Variants in TNS1 observed in about 807,000 individuals in gnomAD.
The protein encoded by TNS1 is tensin-1.
In TNS1, 62 loss-of-function variants were observed where a neutral mutation model predicts 168.6. The ratio of observed to expected loss-of-function variants is 0.37; its 90% confidence interval spans 0.30 to 0.45. The LOEUF is 0.45. Among genes scored for constraint, TNS1 ranks in the 20% least tolerant of loss-of-function variants. The probability of loss-of-function intolerance (pLI) is 1.00; values close to 1 mark genes in which losing one functional copy is unlikely to be tolerated. For missense variants in TNS1, 2,240 were observed against 2,339.4 expected (o/e 0.96, Z 0.88); for synonymous variants, 934 against 933.2 (o/e 1.00, Z -0.02).
At chr2:218,020,189 G>A (rs1364951240) in intron 1 of TNS1, among the ~76,000 whole-genome samples, 6 of 152,162 alleles carry the variant, frequency 3.9e-5, no homozygotes, top group Non-Finnish European at 7.3e-5. Context: ...CATTGTGCAG[G>A]ACCCAGCCAT....
chr2:217,930,080 T>A (rs572424379), intron 3 of TNS1, among the ~76,000 whole-genome samples: 3 of 152,270 alleles, frequency 2.0e-5, no homozygotes, highest in African/African-American at 7.2e-5. Context: ...CCCTCTCCAC[T>A]CCCATTTCTC....
At chr2:217,932,141 G>A (rs1956357146) in intron 3 of TNS1, among the ~76,000 whole-genome samples, 1 of 152,152 alleles carries the variant, frequency 6.6e-6, no homozygotes, top group African/African-American at 2.4e-5. Context: ...CTGGTACCTG[G>A]GAGCAGATTC....
intron 3 of TNS1, among the ~76,000 whole-genome samples, chr2:217,940,339 T>C (rs1471555554): frequency 6.6e-6 from 1 of 152,172 alleles, no homozygotes; most frequent in Non-Finnish European, 1.5e-5. Context: ...CCTCCAAACA[T>C]ATCGCTCAAC....
Position 217,995,917 on chromosome 2 carries a change from C to T in TNS1, c.34-4861G>A, listed in dbSNP as rs779502451. 7.9e-5 allele frequency among the ~76,000 whole-genome samples: 12 copies of T among 152,216 alleles called. No individual in the cohort carries two copies. Among genetic ancestry groups the T allele is most frequent in the Non-Finnish European group, 1.5e-4 (10 of 68,028 alleles). ...ACCCAGCATCAGAGGGCTTTCGTGG[C>T]CCTCGGGGCTTCCTCTCCCTTCCCT... is the stretch of plus-strand genomic sequence containing the variant. On this transcript the variant is annotated intron_variant, in intron 1 of 32. Coordinates refer to ENST00000682258, the MANE Select transcript of TNS1 (RefSeq NM_001387777.1). The surrounding 1 kb of genome is among the most constrained non-coding windows in gnomAD (Gnocchi z 4.1).
At chr2:217,942,761 C>A (rs1241397347) in intron 3 of TNS1, among the ~76,000 whole-genome samples, 1 of 151,978 alleles carries the variant, frequency 6.6e-6, no homozygotes, top group African/African-American at 2.4e-5. Flanking sequence ...CCTATTCTCA[C>A]CCCCACAACC....
chr2:217,915,147 C>T (rs990904975), intron 4 of TNS1, among the ~76,000 whole-genome samples: 2 of 152,166 alleles, frequency 1.3e-5, no homozygotes, highest in African/African-American at 2.4e-5. Context: ...TGAAATGCAT[C>T]GGGTCGGAGT....
At chr2:218,024,336 C>A (rs1179086665) in intron 1 of TNS1, among the ~76,000 whole-genome samples, 1 of 142,878 alleles carries the variant, frequency 7.0e-6, no homozygotes, top group African/African-American at 2.6e-5. Context: ...CTACCTCCAA[C>A]ACACTCATGT....
intron 3 of TNS1, among the ~76,000 whole-genome samples, chr2:217,934,699 T>C (rs1956510445): frequency 6.6e-6 from 1 of 152,160 alleles, no homozygotes; most frequent in Non-Finnish European, 1.5e-5. Context: ...TCTGCTCTGT[T>C]CCAAGAAATC....
chr2:217,829,740 C>G, intron 22 of TNS1: 1 of 1,367,116 alleles, frequency 7.3e-7, no homozygotes, highest in Non-Finnish European at 1.0e-6. Flanking sequence ...TCGCCTGAGT[C>G]CCAGTGAGGA....
At chr2:217,879,270 A>G in intron 18 of TNS1, 1 of 334,894 alleles carries the variant, frequency 3.0e-6, no homozygotes, top group Non-Finnish European at 5.9e-6. Flanking sequence ...TGCACCAAGA[A>G]GAGATGGAGA....
chr2:217,842,291 A>C, intron 19 of TNS1: 1 of 547,008 alleles, frequency 1.8e-6, no homozygotes. Context: ...TTATCCAACC[A>C]CTGCAGATGT....
chr2:217,959,096 C>A (rs1575138573), intron 3 of TNS1, among the ~76,000 whole-genome samples: 1 of 152,108 alleles, frequency 6.6e-6, no homozygotes, highest in African/African-American at 2.4e-5. Context: ...GTTGGGACAT[C>A]GGCAGCCCAG....
chr2:217,962,386 T>C (rs1001713566), intron 3 of TNS1, among the ~76,000 whole-genome samples: 2 of 152,134 alleles, frequency 1.3e-5, no homozygotes, highest in Non-Finnish European at 2.9e-5. Flanking sequence ...GAGGTTGCAG[T>C]GAGCCGAGAT....
At chr2:217,970,866 G>T (rs567465137) in intron 3 of TNS1, among the ~76,000 whole-genome samples, 2 of 151,852 alleles carry the variant, frequency 1.3e-5, no homozygotes, top group Non-Finnish European at 2.9e-5. Context: ...TTAAATGGGC[G>T]TATTGTGTGG....
At chr2:217,921,567 G>A (rs1955703547) in intron 3 of TNS1, among the ~76,000 whole-genome samples, 1 of 152,204 alleles carries the variant, frequency 6.6e-6, no homozygotes, top group Admixed American at 6.5e-5. Flanking sequence ...TCCAAGCTCT[G>A]GAAGGGGCAG....
At chr2:217,962,191 C>A (rs1157602668) in intron 3 of TNS1, among the ~76,000 whole-genome samples, 2 of 152,224 alleles carry the variant, frequency 1.3e-5, no homozygotes, top group Admixed American at 6.5e-5. Context: ...CGCCTATAAT[C>A]CCAGCGCTTT....
At chr2:217,912,822 GGCA>G (rs906063673) in intron 4 of TNS1, among the ~76,000 whole-genome samples, 32 of 152,278 alleles carry the variant, frequency 2.1e-4, no homozygotes, top group African/African-American at 7.0e-4. Flanking sequence ...ACAAGGCAGC[GGCA>G]GCGGCAGAAG....
chr2:217,917,331 C>T (rs890051), intron 4 of TNS1, among the ~76,000 whole-genome samples: 65,634 of 152,128 alleles, frequency 0.43, 15,282 homozygotes, highest in African/African-American at 0.61. Context: ...CTACCGTGTG[C>T]AAGGCAGCGG....
chr2:217,966,300 TGTGTGTGTGCGC>T (rs1248202115), intron 3 of TNS1, among the ~76,000 whole-genome samples: 43 of 142,258 alleles, frequency 3.0e-4, no homozygotes, highest in African/African-American at 1.2e-3. Flanking sequence ...TGTGTGTGTG[TGTGTGTGTGCGC>T]GCGCGCGCGT....
Sources: gnomAD v4.1 joint callset for allele counts (sites outside exome capture counted in the v4.1 genomes callset) on GRCh38, gnomAD v4.1.1 for gene constraint, Gnocchi (gnomAD v3.1) non-coding constraint, MANE v1.5 for transcripts, NCBI Gene and HGNC (gene_info 2026-07-23, HGNC 2026-07-21) for gene names.